Variants in XRRA1 observed in about 807,000 individuals in gnomAD.
XRRA1 encodes X-ray radiation resistance-associated protein 1.
XRRA1 carries 69 observed loss-of-function variants against 80.2 expected under a neutral mutation model. The ratio of observed to expected loss-of-function variants is 0.86; its 90% CI spans 0.71 to 1.05. The LOEUF is 1.05. Ranked by LOEUF, XRRA1 falls within the 50% of genes least tolerant of loss-of-function variation. The pLI, the probability that XRRA1 is intolerant of heterozygous loss-of-function variation, is 0.00. For missense variants in XRRA1, 967 were observed against 976.4 expected (o/e 0.99, Z 0.13); for synonymous variants, 348 against 389.9 (o/e 0.89, Z 1.27).
rs760057965 is a variant in XRRA1 at position 74,845,115 on chromosome 11, GTTC to G, written c.1882_1884del (p.Glu628del). 12 of 1,614,010 alleles carry G rather than the reference GTTC, an allele frequency of 7.4e-6. No homozygotes were observed. In the African/African-American group the frequency reaches 1.6e-4, roughly 21 times the overall value. ...GCTGGATCAGGCTTGGCTGTCAGCA[GTTC>G]TTCATAGCCGTGGTACTTGCTGGGA... is the stretch of plus-strand genomic sequence containing the variant. On this transcript the variant is annotated inframe_deletion, in exon 16 of 19. Transcript: ENST00000684022.
intron 2 of XRRA1, among the ~76,000 whole-genome samples, chr11:74,942,882 G>T (rs1946614935): frequency 6.6e-6 from 1 of 152,206 alleles, no homozygotes; most frequent in Admixed American, 6.5e-5. Context: ...TGAGAGGAAG[G>T]AGACAGCAAG....
At position 74,918,138 on chromosome 11, in the gene XRRA1, T is replaced by C. The variant is rs114214628; in HGVS notation, c.656+3076A>G. Among the ~76,000 whole-genome samples the C allele has an allele frequency of 5.5e-3, 843 of 152,166 alleles. 9 individuals are homozygous for C. Among genetic ancestry groups the C allele is most frequent in the African/African-American group, 0.02 (819 of 41,506 alleles). On this transcript the variant is annotated intron_variant, in intron 8 of 18. Coordinates refer to ENST00000684022, the MANE Select transcript of XRRA1 (RefSeq NM_001378157.1). ...TGAAGGTTCAGAAGACCACATCAGT[T>C]AAAGAACCCCAACCAGCCAAGGTGC... is the stretch of plus-strand genomic sequence containing the variant.
At chr11:74,874,809 G>A (rs149223641) in intron 10 of XRRA1, among the ~76,000 whole-genome samples, 2 of 152,072 alleles carry the variant, frequency 1.3e-5, no homozygotes, top group African/African-American at 4.8e-5. Flanking sequence ...TGCAGCCAGG[G>A]AAGCTCTCAG....
chr11:74,894,779 T>TA (rs1321234009), intron 10 of XRRA1, among the ~76,000 whole-genome samples: 5 of 152,084 alleles, frequency 3.3e-5, no homozygotes, highest in African/African-American at 4.8e-5. Context: ...AATAAAAGAT[T>TA]AAAAAATCAA....
intron 5 of XRRA1, among the ~76,000 whole-genome samples, chr11:74,931,553 G>A (rs1163494266): frequency 6.6e-6 from 1 of 151,982 alleles, no homozygotes; most frequent in Non-Finnish European, 1.5e-5. Context: ...TCAAACTCCT[G>A]ACCTCAAGTG....
chr11:74,878,632 AT>A (rs1249209584), intron 10 of XRRA1, among the ~76,000 whole-genome samples: 2 of 148,814 alleles, frequency 1.3e-5, no homozygotes, highest in Non-Finnish European at 3.0e-5. Context: ...TCTTGAATTG[AT>A]TTTTGTATAA....
intron 9 of XRRA1, 80 bp from the exon 10 acceptor site, chr11:74,906,536 A>C: frequency 6.7e-7 from 1 of 1,487,772 alleles, no homozygotes; most frequent in Non-Finnish European, 9.1e-7. Context: ...TTAGGGAAAA[A>C]ACATGGAATC....
chr11:74,940,006 G>A lies in XRRA1; in HGVS notation c.94+779C>T, dbSNP rs548522092. Reference sequence around the variant, plus strand: ...GTGTGAAAAACAAAATCACTCTAGAGAAGCAGAGAGGACAGGCAGGAAGAG... The same window carrying A: ...GTGTGAAAAACAAAATCACTCTAGAAAAGCAGAGAGGACAGGCAGGAAGAG... On this transcript the variant is annotated intron_variant, in intron 3 of 18. Coordinates refer to ENST00000684022, the MANE Select transcript of XRRA1 (RefSeq NM_001378157.1). 7.9e-5 allele frequency among the ~76,000 whole-genome samples: 12 copies of A among 152,314 alleles called. No homozygotes were observed. The South Asian group carries it at 2.5e-3, about 32-fold the overall frequency.
At chr11:74,867,333 A>T (rs1211663649) in intron 10 of XRRA1, among the ~76,000 whole-genome samples, 1 of 150,870 alleles carries the variant, frequency 6.6e-6, no homozygotes, top group Admixed American at 6.6e-5. Context: ...TAAGGAATAA[A>T]TAAAATAATA....
chr11:74,917,174 A>T (rs1242604613), intron 8 of XRRA1, among the ~76,000 whole-genome samples: 5 of 152,204 alleles, frequency 3.3e-5, no homozygotes, highest in Non-Finnish European at 7.3e-5. Flanking sequence ...TCACAGCACA[A>T]ATCTCTAAAA....
intron 3 of XRRA1, among the ~76,000 whole-genome samples, chr11:74,938,698 T>C (rs976023684): frequency 6.6e-6 from 1 of 152,188 alleles, no homozygotes; most frequent in African/African-American, 2.4e-5. Flanking sequence ...CCTCACCCAA[T>C]GAATTGAAAG....
intron 10 of XRRA1, among the ~76,000 whole-genome samples, chr11:74,877,827 G>A (rs1293905478): frequency 6.6e-6 from 1 of 152,138 alleles, no homozygotes; most frequent in East Asian, 1.9e-4. Flanking sequence ...ATTCTATGGT[G>A]TTTATGTGCC....
At chr11:74,909,282 T>G (rs567618774) in intron 8 of XRRA1, among the ~76,000 whole-genome samples, 37 of 152,330 alleles carry the variant, frequency 2.4e-4, no homozygotes, top group African/African-American at 8.7e-4. Context: ...GTCATGAGTG[T>G]GCCCTTTCCT....
chr11:74,878,579 G>C (rs2046658690), intron 10 of XRRA1, among the ~76,000 whole-genome samples: 1 of 151,804 alleles, frequency 6.6e-6, no homozygotes, highest in Non-Finnish European at 1.5e-5. Flanking sequence ...TTTTCTTCTA[G>C]GGTTTTTATG....
intron 3 of XRRA1, among the ~76,000 whole-genome samples, chr11:74,940,052 T>C (rs1946002957): frequency 6.6e-6 from 1 of 152,200 alleles, no homozygotes; most frequent in Non-Finnish European, 1.5e-5. Flanking sequence ...CAATATTCCA[T>C]ATACAGAGTG....
intron 1 of XRRA1, among the ~76,000 whole-genome samples, chr11:74,948,580 A>T (rs573480264): frequency 2.0e-5 from 3 of 152,296 alleles, no homozygotes; most frequent in South Asian, 2.1e-4. Flanking sequence ...GATTTTTTTT[A>T]AATGCCGGCT....
chr11:74,940,148 C>A (rs1028507566), intron 3 of XRRA1, among the ~76,000 whole-genome samples: 1 of 152,160 alleles, frequency 6.6e-6, no homozygotes, highest in Non-Finnish European at 1.5e-5. Context: ...ATCCAGAGAA[C>A]CAATACTTAG....
intron 12 of XRRA1, among the ~76,000 whole-genome samples, chr11:74,853,442 G>T (rs532760526): frequency 1.1e-4 from 16 of 152,292 alleles, no homozygotes; most frequent in Non-Finnish European, 1.9e-4. Flanking sequence ...AGTGGTAAAT[G>T]CTACTTCTAT....
intron 12 of XRRA1, among the ~76,000 whole-genome samples, chr11:74,855,894 G>T (rs547337960): frequency 6.6e-6 from 1 of 152,260 alleles, no homozygotes; most frequent in African/African-American, 2.4e-5. Flanking sequence ...TAGCACTTTG[G>T]GAAGCTGAGG....
Sources: gnomAD v4.1 joint callset for allele counts (sites outside exome capture counted in the v4.1 genomes callset) on GRCh38, gnomAD v4.1.1 for gene constraint, MANE v1.5 for transcripts, NCBI Gene and HGNC (gene_info 2026-07-23, HGNC 2026-07-21) for gene names.